Variants in GOLIM4 observed in about 807,000 individuals in gnomAD.
GOLIM4 encodes 130 kDa golgi-localized phosphoprotein.
Under a neutral mutation model 107.4 loss-of-function variants are expected in GOLIM4, and 71 were observed. The ratio of observed to expected loss-of-function variants is 0.66; its 90% CI spans 0.55 to 0.81. The LOEUF (loss-of-function observed/expected upper bound fraction) is 0.81, where lower values mean the gene tolerates loss of function less well. Ranked by LOEUF, GOLIM4 falls within the 30% of genes least tolerant of loss-of-function variation. The pLI, the probability that GOLIM4 is intolerant of heterozygous loss-of-function variation, is 0.00. For missense variants in GOLIM4, 830 were observed against 826.1 expected, an observed-to-expected ratio of 1.00 and a Z score of -0.06; for synonymous variants, 327 against 294.8, an observed-to-expected ratio of 1.11 and a Z score of -1.12.
chr3:168,010,140 C>A lies in GOLIM4; in HGVS notation c.*129G>T. On this transcript the variant is annotated 3_prime_UTR_variant, in exon 16 of 16. Coordinates refer to ENST00000470487, the MANE Select transcript of GOLIM4 (RefSeq NM_014498.5). The stretch of plus-strand genomic sequence containing the variant: ...TATAAATGTATGCGCATTTCTAATA[C>A]AAAAGTTTTAAAAAAGTCTAAGTTC... 1.3e-6 allele frequency: 1 copy of A among 758,426 alleles called. No individual in the cohort carries two copies. 47.0% of individuals were successfully genotyped at this position (758,426 alleles called of 1,614,324 possible).
intron 14 of GOLIM4, among the ~76,000 whole-genome samples, chr3:168,014,270 A>G (rs2108207778): frequency 6.6e-6 from 1 of 151,442 alleles, no homozygotes; most frequent in South Asian, 2.1e-4. Flanking sequence ...ACCTCTACAC[A>G]AATATACTAG....
chr3:168,016,992 T>C (rs1398752235), intron 14 of GOLIM4, among the ~76,000 whole-genome samples: 1 of 150,652 alleles, frequency 6.6e-6, no homozygotes, highest in African/African-American at 2.5e-5. Flanking sequence ...TGTATACATA[T>C]GTAACTAACC....
intron 1 of GOLIM4, 128 bp downstream of exon 1, chr3:168,094,971 C>T: frequency 1.5e-6 from 1 of 668,248 alleles, no homozygotes; most frequent in Non-Finnish European, 2.6e-6. Context: ...GAAACGCTCA[C>T]CTCTGACGTC....
chr3:168,045,681 C>G (rs111645131), intron 3 of GOLIM4, among the ~76,000 whole-genome samples: 1 of 152,100 alleles, frequency 6.6e-6, no homozygotes, highest in South Asian at 2.1e-4. Flanking sequence ...CTCACTTTAC[C>G]CTGCCAGCAC....
chr3:168,024,668 G>T, intron 13 of GOLIM4, 74 bp from the exon 14 acceptor site: 1 of 1,205,092 alleles, frequency 8.3e-7, no homozygotes, highest in South Asian at 1.2e-5. Context: ...CTGGGACAAA[G>T]AACAAGCATG....
chr3:168,095,473 C>T lies in GOLIM4; in HGVS notation c.-188G>A. The T allele has an allele frequency of 1.8e-6, 1 of 544,084 alleles. No homozygotes were observed. The highest frequency in any genetic ancestry group is 2.4e-5 in the South Asian group (1 of 42,350). 33.7% of individuals were successfully genotyped at this position (544,084 alleles called of 1,614,324 possible). ...CCCCGCGCGGCGCGGGGCGCGCAGC[C>T]ATCGACGCCGCCCGGGCAGCTGCAG... is the stretch of plus-strand genomic sequence containing the variant. On this transcript the variant is annotated 5_prime_UTR_variant, in exon 1 of 16. It removes an upstream start codon present in the reference 5' UTR. Coordinates refer to ENST00000470487, the MANE Select transcript of GOLIM4 (RefSeq NM_014498.5).
At chr3:168,093,448 C>T (rs1722006987) in intron 1 of GOLIM4, among the ~76,000 whole-genome samples, 1 of 152,124 alleles carries the variant, frequency 6.6e-6, no homozygotes, top group African/African-American at 2.4e-5. Flanking sequence ...CAGCCTTTGC[C>T]CTCATGGGAC....
chr3:168,051,824 G>A (rs1036046269), intron 1 of GOLIM4, among the ~76,000 whole-genome samples: 9 of 152,248 alleles, frequency 5.9e-5, no homozygotes, highest in Middle Eastern at 3.4e-3. Flanking sequence ...ATGGAGCAGC[G>A]GTGACGGATG....
rs764049704 is a variant in GOLIM4, at chr3:168,043,399, T to C, written c.497A>G (p.Gln166Arg). 1.2e-6 allele frequency: 2 copies of C among 1,608,304 alleles called. No individual in the cohort carries two copies. Among genetic ancestry groups the C allele is most frequent in the South Asian group, 1.1e-5 (1 of 89,438 alleles). ...AATACCTTTTAGCTTAGAAAGTTCT[T>C]GTTCTTTTTCTTGCTGGAGCTGCAA... ...KYLQLQQEKEQELSKLKETVY... is the reference protein window; with the variant it reads ...KYLQLQQEKERELSKLKETVY... The change falls in exon 5 of 16, where the codon CAA (glutamine) becomes CGA (arginine). Residue 166 changes from glutamine (Q) to arginine (R), a missense_variant. Physicochemically the swap from Gln to Arg is conservative, Grantham distance 43. Transcript: ENST00000470487.
intron 14 of GOLIM4, among the ~76,000 whole-genome samples, chr3:168,013,925 C>G (rs1717213404): frequency 1.3e-5 from 2 of 151,096 alleles, no homozygotes; most frequent in Admixed American, 6.6e-5. Context: ...TGAATGCCCA[C>G]AAGAGAAAGC....
chr3:168,045,057 T>C (rs1409174414), intron 3 of GOLIM4, among the ~76,000 whole-genome samples, 176 bp from the exon 4 acceptor site: 2 of 152,208 alleles, frequency 1.3e-5, no homozygotes, highest in South Asian at 2.1e-4. Context: ...AATGAAGTTT[T>C]AACATTCCCC....
chr3:168,092,449 C>T (rs1010952445), intron 1 of GOLIM4, among the ~76,000 whole-genome samples: 1 of 152,188 alleles, frequency 6.6e-6, no homozygotes, highest in Non-Finnish European at 1.5e-5. Flanking sequence ...AAGTAACCCA[C>T]TTTCAAAGGA....
At chr3:168,074,437 C>A (rs1720971618) in intron 1 of GOLIM4, among the ~76,000 whole-genome samples, 1 of 151,926 alleles carries the variant, frequency 6.6e-6, no homozygotes, top group South Asian at 2.1e-4. Flanking sequence ...GAACAGACAT[C>A]AAGGAAGTAC....
intron 1 of GOLIM4, among the ~76,000 whole-genome samples, chr3:168,071,125 G>C (rs1278525553): frequency 8.5e-5 from 13 of 152,182 alleles, no homozygotes; most frequent in Admixed American, 8.5e-4. Flanking sequence ...CTTAATGAAG[G>C]CTTCCAGCTC....
At chr3:168,082,713 C>T (rs1409237256) in intron 1 of GOLIM4, among the ~76,000 whole-genome samples, 2 of 151,990 alleles carry the variant, frequency 1.3e-5, no homozygotes, top group South Asian at 2.1e-4. Context: ...GAGAGGGTGA[C>T]GGTGTCAATA....
intron 14 of GOLIM4, among the ~76,000 whole-genome samples, chr3:168,014,241 A>G (rs956229612): frequency 2.6e-5 from 4 of 151,448 alleles, no homozygotes; most frequent in African/African-American, 4.9e-5. Flanking sequence ...ACAAACTACC[A>G]TCAGAGAATA....
chr3:168,064,971 A>G (rs1720469687), intron 1 of GOLIM4, among the ~76,000 whole-genome samples: 1 of 152,050 alleles, frequency 6.6e-6, no homozygotes, highest in South Asian at 2.1e-4. Context: ...AAAAAAAAAA[A>G]GGAGAGAAAA....
chr3:168,056,488 AGCTT>A (rs1719979441), intron 1 of GOLIM4, among the ~76,000 whole-genome samples: 1 of 152,192 alleles, frequency 6.6e-6, no homozygotes, highest in Admixed American at 6.5e-5. Flanking sequence ...ATCCACTAAC[AGCTT>A]GCACCATGCA....
chr3:168,044,845 G>T lies in GOLIM4; in HGVS notation c.349C>A (p.Gln117Lys). The change falls in exon 4 of 16, where the codon CAA (glutamine) becomes AAA (lysine). Residue 117 changes from glutamine to lysine, a missense_variant. Gln to Lys is a moderately conservative substitution (Grantham distance 53). Coordinates refer to ENST00000470487, the MANE Select transcript of GOLIM4 (RefSeq NM_014498.5). ...SNSRYSALNV[Q>K]HQMLKSQHEE... ...TTACTCACTTTCAACATCTGATGTTGGACATTCAGTGCACTGTATCTGCTA... is the reference window on the plus strand; with the variant it reads ...TTACTCACTTTCAACATCTGATGTTTGACATTCAGTGCACTGTATCTGCTA... The T allele has an allele frequency of 6.4e-7, 1 of 1,561,568 alleles. No individual in the cohort carries two copies.
Sources: allele counts gnomAD v4.1 joint callset (sites outside exome capture counted in the v4.1 genomes callset), GRCh38; gene constraint gnomAD v4.1.1; transcripts MANE v1.5; gene names NCBI Gene and HGNC (gene_info 2026-07-23, HGNC 2026-07-21).